GRB14: variants seen among roughly 807,000 people sequenced by gnomAD.
The protein encoded by GRB14 is growth factor receptor bound protein 14.
A neutral mutation model predicts 69.1 loss-of-function variants in GRB14; 38 were observed. That is an observed-to-expected ratio of 0.55 (90% CI 0.42 to 0.72). The LOEUF (loss-of-function observed/expected upper bound fraction) is 0.72. GRB14 is among the 30% of genes least tolerant of loss of function. The probability of loss-of-function intolerance (pLI) is 0.00; values close to 1 mark genes in which losing one functional copy is unlikely to be tolerated. For missense variants in GRB14, 666 were observed against 666.1 expected, an observed-to-expected ratio of 1.00 and a Z score of 0.00; for synonymous variants, 247 against 241.3, an observed-to-expected ratio of 1.02 and a Z score of -0.22.
intron 8 of GRB14, among the ~76,000 whole-genome samples, chr2:164,503,985 C>T (rs2105262108): frequency 6.6e-6 from 1 of 151,944 alleles, no homozygotes; most frequent in South Asian, 2.1e-4. Context: ...GATAAGGGAC[C>T]AAAATATGTT....
At chr2:164,607,351 C>G (rs1405491376) in intron 2 of GRB14, among the ~76,000 whole-genome samples, 1 of 152,138 alleles carries the variant, frequency 6.6e-6, no homozygotes, top group Non-Finnish European at 1.5e-5. Context: ...ATTCTACATG[C>G]TAGAGATTGA....
intron 1 of GRB14, among the ~76,000 whole-genome samples, chr2:164,620,421 G>C (rs1690427611): frequency 6.6e-6 from 1 of 152,096 alleles, no homozygotes; most frequent in Non-Finnish European, 1.5e-5. Context: ...GCAGTGTTTT[G>C]AGGCGGTAAG....
chr2:164,532,835 C>T (rs1687982312), intron 3 of GRB14, among the ~76,000 whole-genome samples: 1 of 152,118 alleles, frequency 6.6e-6, no homozygotes, highest in African/African-American at 2.4e-5. Context: ...AGTTATAGTT[C>T]CATTTTACAG....
At chr2:164,598,452 T>C (rs2105350465) in intron 2 of GRB14, among the ~76,000 whole-genome samples, 1 of 152,332 alleles carries the variant, frequency 6.6e-6, no homozygotes, top group African/African-American at 2.4e-5. Context: ...ATTATTTTTC[T>C]AGTATCTTTT....
At chr2:164,521,863 A>T (rs2105282546) in intron 6 of GRB14, 117 bp downstream of exon 6, 1 of 931,516 alleles carries the variant, frequency 1.1e-6, no homozygotes, top group East Asian at 2.5e-5. Flanking sequence ...TAAATCAAGA[A>T]AATCAAAGAC....
chr2:164,494,204 G>A (rs1686832950), intron 13 of GRB14, among the ~76,000 whole-genome samples: 1 of 152,090 alleles, frequency 6.6e-6, no homozygotes, highest in South Asian at 2.1e-4. Flanking sequence ...ATATTTCATA[G>A]AAAAAGGAAA....
At position 164,508,823 on chromosome 2, in the gene GRB14, T is replaced by C. The variant is rs1229185297; in HGVS notation, c.846A>G (p.Glu282=). 1.2e-5 allele frequency: 19 copies of C among 1,582,048 alleles called. No homozygotes were observed. The highest frequency in any genetic ancestry group is 1.6e-5 in the Non-Finnish European group (19 of 1,169,848). Residue 282 remains glutamate, a synonymous_variant, in exon 7 of 14, where the codon GAA becomes GAG. Transcript: ENST00000263915. The part of the protein sequence containing the change: ...KEPRHLQFFS[E]FGNSDIYVSL... ...ACACATAAATATCACTATTGCCAAA[T>C]TCGCTGAAAAACTGCAAATGCCGCG...
intron 6 of GRB14, among the ~76,000 whole-genome samples, chr2:164,517,235 A>G (rs1262873199): frequency 1.3e-5 from 2 of 152,148 alleles, no homozygotes; most frequent in African/African-American, 4.8e-5. Flanking sequence ...AGATCTTGTG[A>G]GACTTATTCA....
intron 2 of GRB14, among the ~76,000 whole-genome samples, chr2:164,600,211 T>C (rs962536866): frequency 1.3e-5 from 2 of 152,210 alleles, no homozygotes; most frequent in Non-Finnish European, 2.9e-5. Flanking sequence ...GCAACCACTT[T>C]AGGAGTCATA....
rs1261785195 is a variant in GRB14, at chr2:164,621,465, C to T, written c.-156G>A. The stretch of plus-strand genomic sequence containing the variant: ...GCTCGGGGCCCCGGCGGCTGAGACG[C>T]GCGGCCGAGCTATCTGCGAGGCGGC... On this transcript the variant is annotated 5_prime_UTR_variant, in exon 1 of 14. Transcript: ENST00000263915. This position sits in a 1 kb window ranked among gnomAD's most constrained non-coding sequence, Gnocchi z 6.0. 9.1e-6 allele frequency: 2 copies of T among 219,196 alleles called. No homozygotes were observed. The highest frequency in any genetic ancestry group is 2.5e-5 in the African/African-American group (1 of 40,338). The allele number at this position is 219,196 out of a possible 1,614,324, so 13.6% of individuals were successfully genotyped here.
At chr2:164,619,855 A>AACACAC in intron 1 of GRB14, 36 bp from the exon 2 acceptor site, 1 of 1,542,654 alleles carries the variant, frequency 6.5e-7, no homozygotes, top group Non-Finnish European at 8.9e-7. Flanking sequence ...ATTTACATAA[A>AACACAC]ACAGAATGTA....
intron 2 of GRB14, among the ~76,000 whole-genome samples, chr2:164,579,778 G>A (rs1450244264): frequency 6.6e-6 from 1 of 151,984 alleles, no homozygotes; most frequent in Non-Finnish European, 1.5e-5. Context: ...GCATAGGTAA[G>A]CCCATAGAAA....
intron 3 of GRB14, among the ~76,000 whole-genome samples, chr2:164,533,149 C>G (rs1409633683): frequency 6.6e-6 from 1 of 151,998 alleles, no homozygotes; most frequent in African/African-American, 2.4e-5. Context: ...TATTTACATC[C>G]TGCACATTCT....
At chr2:164,563,405 T>C (rs1287331231) in intron 2 of GRB14, among the ~76,000 whole-genome samples, 1 of 152,144 alleles carries the variant, frequency 6.6e-6, no homozygotes, top group Non-Finnish European at 1.5e-5. Flanking sequence ...TGTGCTACAC[T>C]CCAGGCCCGC....
At chr2:164,498,920 C>G (rs1050112692) in intron 9 of GRB14, among the ~76,000 whole-genome samples, 1 of 152,052 alleles carries the variant, frequency 6.6e-6, no homozygotes, top group Non-Finnish European at 1.5e-5. Context: ...GTTACAGGAG[C>G]CTTTATAACT....
Position 164,496,984 on chromosome 2 carries a change from CAAAATT to C in GRB14, c.1382+18_1382+23del, listed in dbSNP as rs1324559181. ...AGGAGAAATCCAATTCACAAGTACT[CAAAATT>C]AAAAATACCAAACTTACCCATCCAC... On this transcript the variant is annotated intron_variant, in intron 12 of 13. Transcript: ENST00000263915. 5.0e-6 allele frequency: 8 copies of C among 1,584,194 alleles called. No individual in the cohort carries two copies. In the Middle Eastern group the frequency reaches 5.0e-4, roughly 99 times the overall value.
chr2:164,503,796 T>C (rs994904352), intron 8 of GRB14, among the ~76,000 whole-genome samples: 3 of 152,206 alleles, frequency 2.0e-5, no homozygotes, highest in Non-Finnish European at 4.4e-5. Flanking sequence ...TTTATTAATC[T>C]GCATTGAAAA....
At chr2:164,613,225 A>G (rs1290006854) in intron 2 of GRB14, among the ~76,000 whole-genome samples, 1 of 152,216 alleles carries the variant, frequency 6.6e-6, no homozygotes, top group African/African-American at 2.4e-5. Flanking sequence ...GGATCATCAT[A>G]TATCATACAA....
chr2:164,598,491 C>T (rs148100702), intron 2 of GRB14, among the ~76,000 whole-genome samples: 50 of 152,210 alleles, frequency 3.3e-4, no homozygotes, highest in African/African-American at 9.4e-4. Context: ...ATTAAATGTA[C>T]AATTACACTG....
Sources: gnomAD v4.1 joint callset for allele counts (sites outside exome capture counted in the v4.1 genomes callset) on GRCh38, gnomAD v4.1.1 for gene constraint, Gnocchi (gnomAD v3.1) non-coding constraint, MANE v1.5 for transcripts, NCBI Gene and HGNC (gene_info 2026-07-23, HGNC 2026-07-21) for gene names.